PCDHA1: variants seen among roughly 807,000 people sequenced by gnomAD.
PCDHA1 encodes the protein protocadherin alpha-1.
Under a neutral mutation model 61.3 loss-of-function variants are expected in PCDHA1, and 42 were observed. The ratio of observed to expected loss-of-function variants is 0.69; its 90% CI spans 0.54 to 0.89. PCDHA1 has a LOEUF of 0.89. Ranked by LOEUF, PCDHA1 falls within the 40% of genes least tolerant of loss-of-function variation. The probability of loss-of-function intolerance (pLI) is 0.00; values close to 1 mark genes in which losing one functional copy is unlikely to be tolerated. For missense variants in PCDHA1, 1,256 were observed against 1,235.3 expected, an observed-to-expected ratio of 1.02 and a Z score of -0.25; for synonymous variants, 610 against 553.8, an observed-to-expected ratio of 1.10 and a Z score of -1.43.
At chr5:140,807,918 G>T (rs1554124343) in intron 1 of PCDHA1, 1 of 1,614,094 alleles carries the variant, frequency 6.2e-7, no homozygotes, top group Admixed American at 1.7e-5. Context: ...GCTTTTGACA[G>T]AACCATTTAT....
At chr5:140,987,963 T>C (rs2097275753) in intron 3 of PCDHA1, among the ~76,000 whole-genome samples, 1 of 152,190 alleles carries the variant, frequency 6.6e-6, no homozygotes, top group Non-Finnish European at 1.5e-5. Context: ...CAACTCCCCA[T>C]GGAAAGACTC....
rs952470653 is a variant in PCDHA1 at position 140,807,569 on chromosome 5, G to C, written c.2394+18885G>C. 10 of 1,614,178 alleles carry C rather than the reference G, an allele frequency of 6.2e-6. No homozygotes were observed. The highest frequency in any genetic ancestry group is 5.0e-5 in the Admixed American group (3 of 60,022). ...GGACGTGGAGGTGAGGGACATTAAC[G>C]ATAACCCGCCGGTGTTCCCAGCAAC... On this transcript the variant is annotated intron_variant, in intron 1 of 3. Coordinates refer to ENST00000504120, the MANE Select transcript of PCDHA1 (RefSeq NM_018900.4).
intron 1 of PCDHA1, among the ~76,000 whole-genome samples, chr5:140,938,635 G>A (rs1361017966): frequency 6.6e-6 from 1 of 151,982 alleles, no homozygotes; most frequent in Non-Finnish European, 1.5e-5. Context: ...TGCTTATGAT[G>A]TATAATCCTT....
chr5:140,818,968 T>C (rs2150102833), intron 1 of PCDHA1, among the ~76,000 whole-genome samples: 1 of 152,362 alleles, frequency 6.6e-6, no homozygotes, highest in African/African-American at 2.4e-5. Context: ...CTCAGGGATA[T>C]GTTAGAACTA....
At position 140,809,410 on chromosome 5, in the gene PCDHA1, C is replaced by T. The variant is rs782200079; in HGVS notation, c.2394+20726C>T. 3 of 1,614,104 alleles carry T rather than the reference C, an allele frequency of 1.9e-6. No individual in the cohort carries two copies. In the South Asian group the frequency reaches 3.3e-5, roughly 18 times the overall value. On this transcript the variant is annotated intron_variant, in intron 1 of 3. Coordinates refer to ENST00000504120, the MANE Select transcript of PCDHA1 (RefSeq NM_018900.4). ...CTCCGGGCAAGCCCACGCTGGTGTG[C>T]TCCAGTGCGGTGGGGAGCTGGTCAT...
rs1231451796 is a variant in PCDHA1, at chr5:140,869,049, G to T, written c.2394+80365G>T. On this transcript the variant is annotated intron_variant, in intron 1 of 3. Coordinates refer to ENST00000504120, the MANE Select transcript of PCDHA1 (RefSeq NM_018900.4). ...ACGAGATTTTTAACCTGAAACTGAA[G>T]AATCTGGTACTGTAAGTGTAAAGAA... 1.1e-5 allele frequency: 17 copies of T among 1,532,472 alleles called. No homozygotes were observed. The South Asian group carries it at 2.1e-4, about 19-fold the overall frequency. 94.9% of individuals were successfully genotyped at this position (1,532,472 alleles called of 1,614,324 possible).
intron 1 of PCDHA1, chr5:140,842,775 A>T (rs1778262095): frequency 6.3e-7 from 1 of 1,594,430 alleles, no homozygotes; most frequent in Non-Finnish European, 8.6e-7. Flanking sequence ...GCGGACGCGC[A>T]GGAGAACGCG....
chr5:140,799,640 AATTT>A (rs1222859750), intron 1 of PCDHA1, among the ~76,000 whole-genome samples: 2 of 152,206 alleles, frequency 1.3e-5, no homozygotes, highest in Admixed American at 6.5e-5. Context: ...TCAAAATATT[AATTT>A]ATTTATTCAT....
rs148598290 is a variant in PCDHA1, at chr5:140,857,464, C to G, written c.2394+68780C>G. 181 of 1,598,526 alleles carry G rather than the reference C, an allele frequency of 1.1e-4. 14 individuals carry two copies. Among genetic ancestry groups the G allele is most frequent in the Non-Finnish European group, 1.1e-4 (129 of 1,167,932 alleles). On this transcript the variant is annotated intron_variant, in intron 1 of 3. Transcript: ENST00000504120. ...AGGAGAACAACCCGCCAGGCTGCCA[C>G]ATCTTCACGGTGTCTGCGTGGGACG...
rs782098088 is a variant in PCDHA1, at chr5:140,856,583, CT to C, written c.2394+67901del. On this transcript the variant is annotated intron_variant, in intron 1 of 3. Transcript: ENST00000504120. Reference sequence around the variant, plus strand: ...ACTCAGTCCAAATGAGTATTTTGTTCTTGATATTATAAACAAAAAAGACAAA... The same window carrying C: ...ACTCAGTCCAAATGAGTATTTTGTTCTGATATTATAAACAAAAAAGACAAA... The C allele has an allele frequency of 1.3e-6, 2 of 1,597,002 alleles. 1 individual carries two copies. Among genetic ancestry groups the C allele is most frequent in the African/African-American group, 2.7e-5 (2 of 74,388 alleles).
intron 1 of PCDHA1, chr5:140,843,659 C>T (rs2150364623): frequency 2.5e-6 from 4 of 1,594,466 alleles, no homozygotes; most frequent in Admixed American, 1.7e-5. Flanking sequence ...TCCTCCTGAT[C>T]TGGGATCAGT....
At chr5:140,866,703 G>T (rs553518884) in intron 1 of PCDHA1, 45 of 152,224 alleles carry the variant, frequency 3.0e-4, no homozygotes, top group African/African-American at 1.1e-3. Context: ...AGTGGATGAC[G>T]TGCACTAGTA....
At chr5:140,940,593 A>G (rs2092648765) in intron 1 of PCDHA1, among the ~76,000 whole-genome samples, 1 of 152,170 alleles carries the variant, frequency 6.6e-6, no homozygotes, top group Non-Finnish European at 1.5e-5. Flanking sequence ...GATTTCAGGC[A>G]TGAGCCGCTG....
rs546789240 is a variant in PCDHA1 at position 140,938,168 on chromosome 5, G to A, written c.2395-40781G>A. Among the ~76,000 whole-genome samples, 6 of 152,184 alleles carry A rather than the reference G, an allele frequency of 3.9e-5. No homozygotes were observed. The South Asian group carries it at 1.2e-3, about 32-fold the overall frequency. Reference sequence around the variant, plus strand: ...ACTACATTGCCCAGGCTAGTCTGGAGCTCCTGGGCTCAAGCAATCCTCCCA... The same window carrying A: ...ACTACATTGCCCAGGCTAGTCTGGAACTCCTGGGCTCAAGCAATCCTCCCA... On this transcript the variant is annotated intron_variant, in intron 1 of 3. Coordinates refer to ENST00000504120, the MANE Select transcript of PCDHA1 (RefSeq NM_018900.4).
At chr5:140,872,960 C>T (rs953236645) in intron 1 of PCDHA1, among the ~76,000 whole-genome samples, 10 of 152,142 alleles carry the variant, frequency 6.6e-5, no homozygotes, top group African/African-American at 2.4e-4. Context: ...GTAGTATCAT[C>T]CCATCTGAAG....
intron 1 of PCDHA1, chr5:140,857,589 G>T (rs1554150286): frequency 6.3e-7 from 1 of 1,596,564 alleles, no homozygotes; most frequent in Non-Finnish European, 8.6e-7. Flanking sequence ...GCGGAGAGCG[G>T]CAAGGTGTAC....
chr5:140,797,149 G>T (rs781824511), intron 1 of PCDHA1: 3 of 1,613,970 alleles, frequency 1.9e-6, no homozygotes, highest in Non-Finnish European at 2.5e-6. Context: ...GCCACCCACC[G>T]AGGGTGCGCG....
At chr5:140,799,175 A>G (rs537052888) in intron 1 of PCDHA1, among the ~76,000 whole-genome samples, 11 of 152,220 alleles carry the variant, frequency 7.2e-5, no homozygotes, top group Admixed American at 2.6e-4. Context: ...TTATTCACTG[A>G]TACTTTATCT....
intron 1 of PCDHA1, chr5:140,862,937 A>G: frequency 1.8e-6 from 1 of 544,138 alleles, no homozygotes; most frequent in Non-Finnish European, 3.6e-6. Flanking sequence ...CGGCGCTGTG[A>G]GTGAGCTGGT....
Sources: allele counts gnomAD v4.1 joint callset (sites outside exome capture counted in the v4.1 genomes callset), GRCh38; gene constraint gnomAD v4.1.1; transcripts MANE v1.5; gene names NCBI Gene and HGNC (gene_info 2026-07-23, HGNC 2026-07-21).